The following CSMD1 variants were observed in gnomAD, a reference collection of about 807,000 sequenced individuals.
CSMD1 encodes the protein CUB and Sushi multiple domains 1.
In CSMD1, 213 loss-of-function variants were observed where a neutral mutation model predicts 417.5. The ratio of observed to expected loss-of-function variants is 0.51; its 90% CI spans 0.46 to 0.57. The LOEUF (loss-of-function observed/expected upper bound fraction) is 0.57. Ranked by LOEUF, CSMD1 falls within the 20% of genes least tolerant of loss-of-function variation. The probability of loss-of-function intolerance (pLI) is 0.00; values close to 1 mark genes in which losing one functional copy is unlikely to be tolerated. For synonymous variants in CSMD1, 2,862 were observed against 1,736.8 expected (o/e 1.65, Z -16.11); for missense variants, 6,923 against 4,529.7 (o/e 1.53, Z -15.17).
chr8:3,333,439 T>C (rs914126933), intron 23 of CSMD1, among the ~76,000 whole-genome samples: 5 of 152,250 alleles, frequency 3.3e-5, no homozygotes, highest in Admixed American at 6.5e-5. Context: ...ACACTGCTTA[T>C]TGGATATTTT....
intron 3 of CSMD1, among the ~76,000 whole-genome samples, chr8:4,179,077 C>A (rs930875459): frequency 5.9e-5 from 9 of 152,228 alleles, no homozygotes; most frequent in African/African-American, 2.2e-4. Flanking sequence ...GAAAAAACTA[C>A]TTTAAAGTTC....
chr8:3,824,239 A>G (rs192690021), intron 5 of CSMD1, among the ~76,000 whole-genome samples: 12 of 151,128 alleles, frequency 7.9e-5, no homozygotes, highest in Admixed American at 1.3e-4. Context: ...AGAAATTCCA[A>G]AAAAACAAAA....
intron 20 of CSMD1, among the ~76,000 whole-genome samples, chr8:3,362,728 G>A (rs1048253641): frequency 1.3e-5 from 2 of 152,088 alleles, no homozygotes; most frequent in African/African-American, 2.4e-5. Flanking sequence ...TGGTTTTCAC[G>A]TAAAACAGAG....
chr8:3,922,175 T>C (rs1328413472), intron 5 of CSMD1, among the ~76,000 whole-genome samples: 2 of 152,122 alleles, frequency 1.3e-5, no homozygotes, highest in Non-Finnish European at 2.9e-5. Context: ...CTATTTTGTA[T>C]TATAAAAATA....
At chr8:3,899,403 C>G (rs137995439) in intron 5 of CSMD1, among the ~76,000 whole-genome samples, 15 of 152,280 alleles carry the variant, frequency 9.9e-5, no homozygotes, top group Non-Finnish European at 2.2e-4. Flanking sequence ...TATGGGTATG[C>G]TGATTACTTC....
In CSMD1 at chr8:3,965,419, T is replaced by C. The variant is rs193188398; in HGVS notation, c.818+32484A>G. Among the ~76,000 whole-genome samples, 223 of 152,274 alleles carry C rather than the reference T, an allele frequency of 1.5e-3. 1 individual carries two copies. The highest frequency in any genetic ancestry group is 2.4e-3 in the Non-Finnish European group (164 of 68,026). On this transcript the variant is annotated intron_variant, in intron 5 of 69. Coordinates refer to ENST00000635120, the MANE Select transcript of CSMD1 (RefSeq NM_033225.6). ...TGCCTTAGAGACATGGTTTTCGTGA[T>C]GGCCTTCGGAAAAAGGGTAGAATGT...
chr8:3,281,034 A>G (rs754416408), intron 26 of CSMD1, among the ~76,000 whole-genome samples: 35 of 152,234 alleles, frequency 2.3e-4, no homozygotes, highest in Non-Finnish European at 4.8e-4. Context: ...TTAGGTATCT[A>G]GTCAGGTGAA....
chr8:4,899,753 G>A (rs551782368), intron 1 of CSMD1, among the ~76,000 whole-genome samples: 5 of 152,114 alleles, frequency 3.3e-5, no homozygotes, highest in Admixed American at 6.5e-5. Flanking sequence ...AAAAGAAAAA[G>A]CTAGAATGCA....
chr8:3,727,470 A>C (rs1435433401), intron 6 of CSMD1, among the ~76,000 whole-genome samples: 1 of 152,240 alleles, frequency 6.6e-6, no homozygotes, highest in Non-Finnish European at 1.5e-5. Flanking sequence ...GTGCATTAAA[A>C]ATGAATAAAG....
chr8:4,216,001 C>T (rs1800645959), intron 3 of CSMD1, among the ~76,000 whole-genome samples: 1 of 152,194 alleles, frequency 6.6e-6, no homozygotes, highest in African/African-American at 2.4e-5. Flanking sequence ...GTGCCCATTT[C>T]AGCCACAAAT....
intron 9 of CSMD1, among the ~76,000 whole-genome samples, chr8:3,576,075 T>C (rs941719453): frequency 7.2e-5 from 11 of 152,154 alleles, no homozygotes; most frequent in Non-Finnish European, 1.0e-4. Flanking sequence ...GCCCATCCTC[T>C]ATTTTTTCAT....
At chr8:3,894,860 T>C (rs1257634715) in intron 5 of CSMD1, among the ~76,000 whole-genome samples, 2 of 152,190 alleles carry the variant, frequency 1.3e-5, no homozygotes, top group African/African-American at 4.8e-5. Flanking sequence ...TAAAGGAACA[T>C]TATTTTCACA....
intron 26 of CSMD1, among the ~76,000 whole-genome samples, chr8:3,282,590 T>C (rs569126646): frequency 6.6e-6 from 1 of 152,292 alleles, no homozygotes; most frequent in African/African-American, 2.4e-5. Flanking sequence ...AGGACTTTTT[T>C]TCCCCCAAGG....
intron 7 of CSMD1, among the ~76,000 whole-genome samples, chr8:3,641,673 T>A (rs531902392): frequency 6.6e-6 from 1 of 152,172 alleles, no homozygotes; most frequent in Non-Finnish European, 1.5e-5. Context: ...ATACAGCTTT[T>A]GCCCCAACAG....
In CSMD1 at chr8:3,290,505, C is replaced by A. The variant is rs1331227746; in HGVS notation, c.3951-6159G>T. On this transcript the variant is annotated intron_variant, in intron 25 of 69. Coordinates refer to ENST00000635120, the MANE Select transcript of CSMD1 (RefSeq NM_033225.6). ...GTTTGTATCCTTTTATTTCCTTGAG[C>A]AGTGGTTTGTAGTTCTCCTTGAAGA... 1.4e-5 allele frequency among the ~76,000 whole-genome samples: 2 copies of A among 144,310 alleles called. 1 individual carries two copies. The highest frequency in any genetic ancestry group is 5.7e-5 in the African/African-American group (2 of 35,318). The allele number at this position is 144,310 out of a possible 152,430, so 94.7% of individuals were successfully genotyped here.
chr8:4,256,252 T>C (rs1197735784), intron 3 of CSMD1, among the ~76,000 whole-genome samples: 1 of 152,200 alleles, frequency 6.6e-6, no homozygotes, highest in Non-Finnish European at 1.5e-5. Flanking sequence ...TCTCTCTGCT[T>C]TGAGTCCCTT....
intron 7 of CSMD1, among the ~76,000 whole-genome samples, chr8:3,652,693 C>T (rs373116616): frequency 2.0e-5 from 3 of 152,078 alleles, no homozygotes; most frequent in Non-Finnish European, 4.4e-5. Flanking sequence ...GGGGAAACTG[C>T]CCATGTGATT....
rs75957788 is a variant in CSMD1, at chr8:4,588,265, A to C, written c.302+49077T>G. 7.9e-3 allele frequency among the ~76,000 whole-genome samples: 1,208 copies of C among 152,166 alleles called. 78 individuals carry two copies. The East Asian group carries it at 0.17, about 22-fold the overall frequency. ...TGGCCGTCAGAAGACAGTAACTTTT[A>C]GGATTCCATTAAATGCTGATACTAG... On this transcript the variant is annotated intron_variant, in intron 2 of 69. Coordinates refer to ENST00000635120, the MANE Select transcript of CSMD1 (RefSeq NM_033225.6).
At chr8:3,853,459 T>C (rs982343025) in intron 5 of CSMD1, among the ~76,000 whole-genome samples, 2 of 152,230 alleles carry the variant, frequency 1.3e-5, no homozygotes, top group Admixed American at 6.5e-5. Flanking sequence ...GTAAACTCTG[T>C]GAAGGCAAGG....
Sources: gnomAD v4.1 joint callset for allele counts (sites outside exome capture counted in the v4.1 genomes callset) on GRCh38, gnomAD v4.1.1 for gene constraint, MANE v1.5 for transcripts, NCBI Gene and HGNC (gene_info 2026-07-23, HGNC 2026-07-21) for gene names.